SEMA3A: variants seen among roughly 807,000 people sequenced by gnomAD.
SEMA3A encodes the protein semaphorin 3A.
In SEMA3A, 29 loss-of-function variants were observed where a neutral mutation model predicts 97.9. That is an observed-to-expected ratio of 0.30 (90% CI 0.22 to 0.40). The LOEUF (loss-of-function observed/expected upper bound fraction) is 0.40, where lower values mean the gene tolerates loss of function less well. Ranked by LOEUF, SEMA3A falls within the 10% of genes least tolerant of loss-of-function variation. The pLI is 1.00. For synonymous variants in SEMA3A, 321 were observed against 323.7 expected (o/e 0.99, Z 0.09); for missense variants, 763 against 951.3 (o/e 0.80, Z 2.60).
intron 3 of SEMA3A, among the ~76,000 whole-genome samples, chr7:84,235,042 C>G (rs566056209): frequency 1.3e-5 from 2 of 152,140 alleles, no homozygotes; most frequent in East Asian, 3.9e-4. Context: ...TTCATGGAAA[C>G]ATTCTGAAGG....
At chr7:84,218,462 T>C (rs939986190) in intron 3 of SEMA3A, among the ~76,000 whole-genome samples, 1 of 152,136 alleles carries the variant, frequency 6.6e-6, no homozygotes. Context: ...TCCCTAGTTT[T>C]CTTGCTTCCT....
intron 2 of SEMA3A, among the ~76,000 whole-genome samples, chr7:84,307,804 A>C (rs2115850725): frequency 6.6e-6 from 1 of 152,324 alleles, no homozygotes; most frequent in African/African-American, 2.4e-5. Flanking sequence ...AAATATTTAA[A>C]GTAAATAGAA....
intron 1 of SEMA3A, among the ~76,000 whole-genome samples, chr7:84,372,788 C>A (rs951208389): frequency 2.0e-5 from 3 of 152,094 alleles, no homozygotes; most frequent in African/African-American, 7.2e-5. Context: ...CAAGTAAAAA[C>A]TCAGTTGCTT....
At chr7:84,235,655 C>T (rs1315770546) in intron 3 of SEMA3A, among the ~76,000 whole-genome samples, 1 of 151,988 alleles carries the variant, frequency 6.6e-6, no homozygotes, top group Non-Finnish European at 1.5e-5. Flanking sequence ...TCCCAACAAA[C>T]TAGAATCTAC....
At position 84,163,191 on chromosome 7, in the gene SEMA3A, C is replaced by A. The variant is rs1374098525; in HGVS notation, c.113-28240G>T. Among the ~76,000 whole-genome samples the A allele has an allele frequency of 3.9e-5, 6 of 152,218 alleles. No individual in the cohort carries two copies. The East Asian group carries it at 1.2e-3, about 29-fold the overall frequency. On this transcript the variant is annotated intron_variant, in intron 1 of 16. Transcript: ENST00000265362. Reference sequence around the variant, plus strand: ...GATTTAAAATTGTCGATTCTAAAATCCAAGCTCTTTCCAGTATTCATATGC... The same window carrying A: ...GATTTAAAATTGTCGATTCTAAAATACAAGCTCTTTCCAGTATTCATATGC...
intron 4 of SEMA3A, among the ~76,000 whole-genome samples, chr7:84,093,800 T>C (rs75588804): frequency 0.048 from 7,248 of 150,452 alleles, 224 homozygotes; most frequent in African/African-American, 0.083. Context: ...CTCTGGGGAG[T>C]TGGAAGGAGA....
intron 1 of SEMA3A, among the ~76,000 whole-genome samples, chr7:84,403,943 A>G (rs1311757385): frequency 6.6e-6 from 1 of 152,180 alleles, no homozygotes; most frequent in African/African-American, 2.4e-5. Flanking sequence ...AAAGATGGGG[A>G]AAAAACAAAG....
intron 1 of SEMA3A, among the ~76,000 whole-genome samples, chr7:84,185,363 T>C (rs1196440592): frequency 4.0e-5 from 6 of 151,614 alleles, no homozygotes; most frequent in African/African-American, 1.5e-4. Flanking sequence ...AACTTGCTGT[T>C]GAATTAAAGA....
At chr7:84,376,639 T>C (rs2116122548) in intron 1 of SEMA3A, among the ~76,000 whole-genome samples, 1 of 146,324 alleles carries the variant, frequency 6.8e-6, no homozygotes, top group Non-Finnish European at 1.5e-5. Context: ...AAAAGAAGTG[T>C]TCACATCTTC....
intron 2 of SEMA3A, among the ~76,000 whole-genome samples, chr7:84,319,055 C>T (rs774335970): frequency 2.5e-4 from 38 of 152,220 alleles, no homozygotes; most frequent in Non-Finnish European, 5.1e-4. Flanking sequence ...GTTCAAAATG[C>T]CTAATACCTA....
At chr7:84,150,098 T>C (rs1465712263) in intron 1 of SEMA3A, among the ~76,000 whole-genome samples, 1 of 152,230 alleles carries the variant, frequency 6.6e-6, no homozygotes, top group Non-Finnish European at 1.5e-5. Context: ...TAGTTGAAAG[T>C]AGTTTTATGT....
At chr7:84,254,143 G>C (rs1041956247) in intron 3 of SEMA3A, among the ~76,000 whole-genome samples, 1 of 152,112 alleles carries the variant, frequency 6.6e-6, no homozygotes, top group East Asian at 1.9e-4. Flanking sequence ...GGCTGTGAGA[G>C]ATTTAATCAT....
intron 3 of SEMA3A, among the ~76,000 whole-genome samples, chr7:84,124,691 T>C (rs895622851): frequency 1.3e-5 from 2 of 152,266 alleles, no homozygotes; most frequent in East Asian, 1.9e-4. Flanking sequence ...TATTTTCTTA[T>C]GTTTATTAAG....
At chr7:84,045,093 T>C (rs1189993332) in intron 6 of SEMA3A, among the ~76,000 whole-genome samples, 4 of 152,018 alleles carry the variant, frequency 2.6e-5, no homozygotes, top group Non-Finnish European at 5.9e-5. Context: ...ACACAACTCA[T>C]GGTCTCCTGG....
intron 13 of SEMA3A, among the ~76,000 whole-genome samples, chr7:83,982,526 C>G (rs537454680): frequency 2.0e-5 from 3 of 152,130 alleles, no homozygotes; most frequent in Admixed American, 1.3e-4. Context: ...CACCATAGCT[C>G]TCTTTTCTTG....
intron 1 of SEMA3A, among the ~76,000 whole-genome samples, chr7:84,425,417 A>T (rs1242385402): frequency 7.5e-6 from 1 of 132,892 alleles, no homozygotes; most frequent in African/African-American, 2.7e-5. Context: ...ATATGCCTAT[A>T]TTTATATGAA....
At chr7:84,318,317 GTTTTTTTTT>G (rs71522699) in intron 2 of SEMA3A, among the ~76,000 whole-genome samples, 1 of 97,798 alleles carries the variant, frequency 1.0e-5, no homozygotes, top group African/African-American at 3.9e-5. Context: ...TGATTTCTTG[GTTTTTTTTT>G]TTTTTTTTTT....
intron 2 of SEMA3A, among the ~76,000 whole-genome samples, chr7:84,362,340 A>G (rs184224891): frequency 2.3e-4 from 35 of 152,132 alleles, no homozygotes; most frequent in African/African-American, 7.9e-4. Flanking sequence ...ACTAAAGGCA[A>G]TAATTCTCAA....
At chr7:83,980,623 A>AAAAAAAAT (rs1310318006) in intron 14 of SEMA3A, among the ~76,000 whole-genome samples, 10 of 71,744 alleles carry the variant, frequency 1.4e-4, no homozygotes, top group East Asian at 3.2e-4. Flanking sequence ...AAAAAAAAAA[A>AAAAAAAAT]ATATATATAT....
Sources: gnomAD v4.1 joint callset for allele counts (sites outside exome capture counted in the v4.1 genomes callset) on GRCh38, gnomAD v4.1.1 for gene constraint, MANE v1.5 for transcripts, NCBI Gene and HGNC (gene_info 2026-07-23, HGNC 2026-07-21) for gene names.